Variants in CNTLN observed in about 807,000 individuals in gnomAD.
CNTLN encodes the protein centlein, also known as centlein, centrosomal protein.
A neutral mutation model predicts 180.0 loss-of-function variants in CNTLN; 212 were observed. That is an observed-to-expected ratio of 1.18 (90% CI 1.05 to 1.32). CNTLN has a LOEUF of 1.32. Among genes scored for constraint, CNTLN ranks in the 40% most tolerant of loss-of-function variants. CNTLN has a pLI of 0.00. For synonymous variants in CNTLN, 722 were observed against 563.1 expected, an observed-to-expected ratio of 1.28 and a Z score of -3.99; for missense variants, 2,095 against 1,610.9, an observed-to-expected ratio of 1.30 and a Z score of -5.14.
intron 15 of CNTLN, among the ~76,000 whole-genome samples, chr9:17,408,749 C>T (rs1827607486): frequency 6.7e-6 from 1 of 150,146 alleles, no homozygotes; most frequent in Non-Finnish European, 1.5e-5. Flanking sequence ...TGCCATGAGC[C>T]AAGATCGCGC....
intron 2 of CNTLN, among the ~76,000 whole-genome samples, chr9:17,177,420 A>C (rs1313211809): frequency 1.3e-5 from 2 of 152,076 alleles, no homozygotes; most frequent in African/African-American, 2.4e-5. Context: ...AAAAAAAAAA[A>C]ATTATTTTCA....
At chr9:17,360,681 G>A (rs1196112050) in intron 12 of CNTLN, among the ~76,000 whole-genome samples, 1 of 152,130 alleles carries the variant, frequency 6.6e-6, no homozygotes, top group Non-Finnish European at 1.5e-5. Flanking sequence ...GAACCTCTTT[G>A]TCAGAAATAG....
chr9:17,316,388 GT>G (rs1819540632), intron 8 of CNTLN, among the ~76,000 whole-genome samples: 1 of 151,916 alleles, frequency 6.6e-6, no homozygotes, highest in African/African-American at 2.4e-5. Flanking sequence ...AATTTATTCT[GT>G]CTTAAATTCC....
chr9:17,464,487 T>C lies in CNTLN; in HGVS notation c.3405-10T>C, dbSNP rs760986098. On this transcript the variant is annotated splice_polypyrimidine_tract_variant and intron_variant, in intron 20 of 25. Transcript: ENST00000380647. ...CTGTCACTCTTGATGTCACCTTTTT[T>C]TTTTTCAAGGATATCTCGAATGGAG... 5.6e-5 allele frequency: 86 copies of C among 1,537,804 alleles called. No homozygotes were observed. The South Asian group carries it at 1.0e-3, about 19-fold the overall frequency.
chr9:17,178,543 T>C (rs1266221924), intron 2 of CNTLN, among the ~76,000 whole-genome samples: 1 of 151,992 alleles, frequency 6.6e-6, no homozygotes, highest in Non-Finnish European at 1.5e-5. Context: ...GACTCAGGCA[T>C]GGCGAATTGC....
intron 5 of CNTLN, among the ~76,000 whole-genome samples, chr9:17,250,337 C>T (rs1826063124): frequency 6.6e-6 from 1 of 151,820 alleles, no homozygotes; most frequent in African/African-American, 2.4e-5. Context: ...TTTTTTCTGA[C>T]TGGAGAATTT....
intron 2 of CNTLN, 49 bp from the exon 3 acceptor site, chr9:17,226,154 G>T (rs1284061473): frequency 2.1e-6 from 2 of 942,724 alleles, no homozygotes; most frequent in Non-Finnish European, 3.2e-6. Flanking sequence ...AAAATTTAAA[G>T]TATTAGCTAC....
chr9:17,293,866 G>T (rs1455617311), intron 6 of CNTLN, among the ~76,000 whole-genome samples: 1 of 152,120 alleles, frequency 6.6e-6, no homozygotes, highest in Admixed American at 6.5e-5. Flanking sequence ...GGTGGCATGG[G>T]CTCATTGGGG....
intron 2 of CNTLN, among the ~76,000 whole-genome samples, chr9:17,176,384 G>A (rs913171094): frequency 1.3e-5 from 2 of 152,000 alleles, no homozygotes; most frequent in East Asian, 1.9e-4. Context: ...CTGTTGATAT[G>A]GTGGAATACA....
At chr9:17,465,798 A>G (rs1425682015) in intron 21 of CNTLN, among the ~76,000 whole-genome samples, 183 bp from the exon 22 acceptor site, 1 of 151,256 alleles carries the variant, frequency 6.6e-6, no homozygotes, top group African/African-American at 2.4e-5. Context: ...TTTGTTACTG[A>G]TTTAAGGATT....
chr9:17,212,772 T>G (rs1434782953), intron 2 of CNTLN, among the ~76,000 whole-genome samples: 2 of 152,184 alleles, frequency 1.3e-5, no homozygotes, highest in Non-Finnish European at 2.9e-5. Flanking sequence ...TTCTTCCTGG[T>G]TTAGTCTTCG....
chr9:17,149,512 CTT>C (rs55691769), intron 2 of CNTLN, among the ~76,000 whole-genome samples: 7 of 106,144 alleles, frequency 6.6e-5, no homozygotes, highest in African/African-American at 3.8e-5. Context: ...TTCTTTCTTT[CTT>C]TTTTTTTTTT....
At chr9:17,416,284 C>A in intron 18 of CNTLN, 95 bp downstream of exon 18, 1 of 1,066,436 alleles carries the variant, frequency 9.4e-7, no homozygotes, top group South Asian at 1.8e-5. Context: ...TTGTGTTAGG[C>A]AGGTCTATGA....
chr9:17,180,189 G>T (rs1445702833), intron 2 of CNTLN, among the ~76,000 whole-genome samples: 1 of 146,138 alleles, frequency 6.8e-6, no homozygotes, highest in Admixed American at 6.8e-5. Flanking sequence ...TAGCATTTAC[G>T]TGTGTCATTT....
intron 2 of CNTLN, among the ~76,000 whole-genome samples, chr9:17,196,290 C>T (rs1822127619): frequency 6.6e-6 from 1 of 152,182 alleles, no homozygotes; most frequent in South Asian, 2.1e-4. Context: ...TCCCAAAATG[C>T]AGGGATTACA....
At chr9:17,501,944 A>C (rs2754323) in intron 25 of CNTLN, among the ~76,000 whole-genome samples, 141,853 of 152,296 alleles carry the variant, frequency 0.93, 66,530 homozygotes, top group South Asian at 0.99. Flanking sequence ...TTGACCAGAA[A>C]AGTTATATAA....
chr9:17,211,321 C>A (rs1823289681), intron 2 of CNTLN, among the ~76,000 whole-genome samples: 1 of 152,168 alleles, frequency 6.6e-6, no homozygotes, highest in Admixed American at 6.5e-5. Context: ...GAATCCTTTC[C>A]CCATTTCTTG....
At chr9:17,222,574 G>A (rs922639263) in intron 2 of CNTLN, among the ~76,000 whole-genome samples, 3 of 151,974 alleles carry the variant, frequency 2.0e-5, no homozygotes, top group African/African-American at 7.2e-5. Flanking sequence ...TGTGTAAGAA[G>A]TACCTTTCAC....
At chr9:17,196,972 T>A (rs1822173928) in intron 2 of CNTLN, among the ~76,000 whole-genome samples, 2 of 152,174 alleles carry the variant, frequency 1.3e-5, no homozygotes, top group Non-Finnish European at 1.5e-5. Flanking sequence ...TGTATAGTTG[T>A]GCCCATTAAC....
Sources: allele counts gnomAD v4.1 joint callset (sites outside exome capture counted in the v4.1 genomes callset), GRCh38; gene constraint gnomAD v4.1.1; transcripts MANE v1.5; gene names NCBI Gene and HGNC (gene_info 2026-07-23, HGNC 2026-07-21).